PITPNM2: variants seen among roughly 807,000 people sequenced by gnomAD.
PITPNM2 encodes the protein phosphatidylinositol transfer protein membrane associated 2, also known as membrane-associated phosphatidylinositol transfer protein 2.
PITPNM2 carries 35 observed loss-of-function variants against 132.2 expected under a neutral mutation model. The ratio of observed to expected loss-of-function variants is 0.26; its 90% CI spans 0.20 to 0.35. The LOEUF (loss-of-function observed/expected upper bound fraction) is 0.35, where lower values mean the gene tolerates loss of function less well. Ranked by LOEUF, PITPNM2 falls within the 10% of genes least tolerant of loss-of-function variation. The probability of loss-of-function intolerance (pLI) is 1.00; values close to 1 mark genes in which losing one functional copy is unlikely to be tolerated. For missense variants in PITPNM2, 1,332 were observed against 1,912.0 expected (o/e 0.70, Z 5.66); for synonymous variants, 738 against 799.2 (o/e 0.92, Z 1.29).
At chr12:123,092,623 T>G (rs996157003) in intron 2 of PITPNM2, 1 of 152,306 alleles carries the variant, frequency 6.6e-6, no homozygotes, top group African/African-American at 2.4e-5. Flanking sequence ...AGGCCAGACA[T>G]GGCTGGCTCC....
intron 2 of PITPNM2, among the ~76,000 whole-genome samples, chr12:123,054,083 A>G (rs2040945754): frequency 6.6e-6 from 1 of 152,048 alleles, no homozygotes. Context: ...TTCACTTGCT[A>G]TATCATCAAT....
chr12:123,065,224 A>C lies in PITPNM2; in HGVS notation c.-95-30539T>G, dbSNP rs550683807. Among the ~76,000 whole-genome samples the C allele has an allele frequency of 2.6e-5, 4 of 152,286 alleles. No individual in the cohort carries two copies. The South Asian group carries it at 8.3e-4, about 32-fold the overall frequency. On this transcript the variant is annotated intron_variant, in intron 2 of 25. Coordinates refer to ENST00000320201, the MANE Select transcript of PITPNM2 (RefSeq NM_020845.3). The stretch of plus-strand genomic sequence containing the variant: ...AGAAGGCTTTCCGAGAGCATCCAAA[A>C]AACCAGAAGAAAGGGTGAAGAGGTC...
rs1377046826 is a variant in PITPNM2 at position 123,022,743 on chromosome 12, C to T, written c.79-8701G>A. 6.6e-6 allele frequency among the ~76,000 whole-genome samples: 1 copy of T among 152,244 alleles called. No homozygotes were observed. The highest frequency in any genetic ancestry group is 1.5e-5 in the Non-Finnish European group (1 of 68,046). On this transcript the variant is annotated intron_variant, in intron 3 of 25. Coordinates refer to ENST00000320201, the MANE Select transcript of PITPNM2 (RefSeq NM_020845.3). This position sits in a 1 kb window ranked among gnomAD's most constrained non-coding sequence, Gnocchi z 4.9. ...GATTGCATTAAACTGCAGAAACCTG[C>T]ATGTGCATCAGAACCCCCAACCCCT... is the stretch of plus-strand genomic sequence containing the variant.
At chr12:123,136,645 C>A (rs1451751211) in intron 1 of PITPNM2, among the ~76,000 whole-genome samples, 1 of 152,170 alleles carries the variant, frequency 6.6e-6, no homozygotes, top group Admixed American at 6.5e-5. Context: ...CACCTGTAAT[C>A]CCAGCATTTT....
At chr12:123,149,288 G>T (rs1334159507) in intron 1 of PITPNM2, among the ~76,000 whole-genome samples, 1 of 152,202 alleles carries the variant, frequency 6.6e-6, no homozygotes, top group Non-Finnish European at 1.5e-5. Context: ...AGAGAATCTG[G>T]AGTCTTTGCC....
At chr12:123,055,358 A>G (rs2040988440) in intron 2 of PITPNM2, among the ~76,000 whole-genome samples, 1 of 152,150 alleles carries the variant, frequency 6.6e-6, no homozygotes, top group Non-Finnish European at 1.5e-5. Context: ...ATGAAATATG[A>G]GCTCTTTCTG....
intron 2 of PITPNM2, among the ~76,000 whole-genome samples, chr12:123,073,903 C>G (rs964711028): frequency 6.6e-6 from 1 of 152,160 alleles, no homozygotes; most frequent in Non-Finnish European, 1.5e-5. Context: ...GGTGGGTGGC[C>G]GTGGAGTGCA....
At chr12:123,128,658 C>T (rs540143260) in intron 1 of PITPNM2, among the ~76,000 whole-genome samples, 1 of 147,454 alleles carries the variant, frequency 6.8e-6, no homozygotes. Flanking sequence ...GAGACTGAGG[C>T]AGGAGAATCA....
At position 123,022,517 on chromosome 12, in the gene PITPNM2, C is replaced by T. The variant is rs1481994860; in HGVS notation, c.79-8475G>A. ...GGGAGGCAAAGAGCATGAATGAGAGCCCCAAGCAGGAGATCTCCTGACCCT... is the reference window on the plus strand; with the variant it reads ...GGGAGGCAAAGAGCATGAATGAGAGTCCCAAGCAGGAGATCTCCTGACCCT... On this transcript the variant is annotated intron_variant, in intron 3 of 25. Coordinates refer to ENST00000320201, the MANE Select transcript of PITPNM2 (RefSeq NM_020845.3). This position sits in a 1 kb window ranked among gnomAD's most constrained non-coding sequence, Gnocchi z 4.9. Among the ~76,000 whole-genome samples, 1 of 152,210 alleles carries T rather than the reference C, an allele frequency of 6.6e-6. No homozygotes were observed. Among genetic ancestry groups the T allele is most frequent in the East Asian group, 1.9e-4 (1 of 5,176 alleles).
At chr12:123,131,869 C>T (rs557546351) in intron 1 of PITPNM2, among the ~76,000 whole-genome samples, 14 of 152,366 alleles carry the variant, frequency 9.2e-5, no homozygotes, top group African/African-American at 3.4e-4. Context: ...CTGTGCTAGG[C>T]CCTTTCACAT....
intron 2 of PITPNM2, among the ~76,000 whole-genome samples, chr12:123,059,132 A>G (rs754422077): frequency 6.6e-6 from 1 of 152,244 alleles, no homozygotes; most frequent in African/African-American, 2.4e-5. Flanking sequence ...GGAGAAGGCC[A>G]ACCAAGGATA....
In PITPNM2 at chr12:123,000,315, A is replaced by G; in HGVS notation, c.1224+463T>C. 1.5e-6 allele frequency: 1 copy of G among 674,584 alleles called. No individual in the cohort carries two copies. The highest frequency in any genetic ancestry group is 1.5e-5 in the South Asian group (1 of 64,882). The allele number at this position is 674,584 out of a possible 1,614,324, so 41.8% of individuals were successfully genotyped here. A position where few individuals can be genotyped will look rare whatever the true frequency, so the allele number is the denominator to read the frequency against. ...GCGGATACAGGCGCTCTACCAAGAC[A>G]GTTTTATTGGACACACTGAGCTCCG... On this transcript the variant is annotated intron_variant, in intron 10 of 25. Transcript: ENST00000320201. This position sits in a 1 kb window ranked among gnomAD's most constrained non-coding sequence, Gnocchi z 5.4.
chr12:123,127,929 T>C (rs965461011), intron 1 of PITPNM2, among the ~76,000 whole-genome samples: 4 of 152,082 alleles, frequency 2.6e-5, no homozygotes, highest in African/African-American at 9.7e-5. Context: ...TCCTAGCCTG[T>C]TGCATTGGCT....
rs1338039649 is a variant in PITPNM2 at position 122,993,229 on chromosome 12, C to T, written c.2234-560G>A. 6.6e-6 allele frequency among the ~76,000 whole-genome samples: 1 copy of T among 152,158 alleles called. No individual in the cohort carries two copies. Among genetic ancestry groups the T allele is most frequent in the Non-Finnish European group, 1.5e-5 (1 of 68,022 alleles). ...GGGCACATGGTGGAAACCCCTTCCA[C>T]CCCAGATCCCCCCGAAGCTCCAGCT... On this transcript the variant is annotated intron_variant, in intron 15 of 25. Coordinates refer to ENST00000320201, the MANE Select transcript of PITPNM2 (RefSeq NM_020845.3). The surrounding 1 kb of genome is among the most constrained non-coding windows in gnomAD (Gnocchi z 5.2).
intron 2 of PITPNM2, chr12:123,091,430 GGAA>G (rs1430583604): frequency 4.6e-5 from 7 of 152,348 alleles, no homozygotes; most frequent in African/African-American, 1.2e-4. Context: ...CCACTGACAG[GGAA>G]GAAGAACTGA....
chr12:122,985,895 C>G lies in PITPNM2; in HGVS notation c.*132G>C. The G allele has an allele frequency of 1.2e-6, 1 of 855,214 alleles. No homozygotes were observed. 53.0% of individuals were successfully genotyped at this position (855,214 alleles called of 1,614,324 possible). ...GGGCAGGGAGCACTGTGTGGTGCGG[C>G]CCGTGTCCTCCACAAGGCCCTGGGA... On this transcript the variant is annotated 3_prime_UTR_variant, in exon 26 of 26. Coordinates refer to ENST00000320201, the MANE Select transcript of PITPNM2 (RefSeq NM_020845.3).
At chr12:122,990,498 C>T in intron 17 of PITPNM2, 47 bp downstream of exon 17, 1 of 1,604,390 alleles carries the variant, frequency 6.2e-7, no homozygotes, top group Non-Finnish European at 8.5e-7. Context: ...CCTGTGGGCA[C>T]AATGGCCCTG....
Position 122,990,668 on chromosome 12 carries a change from C to T in PITPNM2, c.2446G>A (p.Gly816Ser). Residue 816 changes from glycine to serine, a missense_variant, in exon 17 of 26, where the codon GGC becomes AGC. Transcript: ENST00000320201. ...GCAGTGCCCGGCGAGGAGGGGGCGC[C>T]ATGCTCTTGGAAGGCTGCATTGTGG... The part of the protein sequence containing the change: ...QTHNAAFQEH[G>S]APSSPGTAPA... 6.2e-7 allele frequency: 1 copy of T among 1,611,732 alleles called. No homozygotes were observed. Among genetic ancestry groups the T allele is most frequent in the Non-Finnish European group, 8.5e-7 (1 of 1,179,824 alleles).
Position 123,129,295 on chromosome 12 carries a change from G to A in PITPNM2, c.-199-18807C>T, listed in dbSNP as rs375338237. On this transcript the variant is annotated intron_variant, in intron 1 of 25. Transcript: ENST00000320201. ...AAAAAATTAAATGGATAGGCCGGGC[G>A]TGGTGGCTCACGCCTGTAATCCCAG... is the stretch of plus-strand genomic sequence containing the variant. Among the ~76,000 whole-genome samples the A allele has an allele frequency of 2.5e-4, 38 of 151,928 alleles. No homozygotes were observed. The South Asian group carries it at 3.5e-3, about 14-fold the overall frequency.
Sources: allele counts gnomAD v4.1 joint callset (sites outside exome capture counted in the v4.1 genomes callset), GRCh38; gene constraint gnomAD v4.1.1; non-coding constraint Gnocchi (gnomAD v3.1); transcripts MANE v1.5; gene names NCBI Gene and HGNC (gene_info 2026-07-23, HGNC 2026-07-21).